Variants in PAK6 observed in about 807,000 individuals in gnomAD.
PAK6 encodes the protein serine/threonine-protein kinase PAK 6.
A neutral mutation model predicts 60.8 loss-of-function variants in PAK6; 33 were observed. The ratio of observed to expected loss-of-function variants is 0.54; its 90% CI spans 0.41 to 0.73. PAK6 has a LOEUF of 0.73. PAK6 is among the 30% of genes least tolerant of loss of function. PAK6 has a pLI of 0.00. For missense variants in PAK6, 845 were observed against 904.1 expected (o/e 0.93, Z 0.84); for synonymous variants, 404 against 378.5 (o/e 1.07, Z -0.78).
chr15:40,273,319 A>C, intron 7 of PAK6, 27 bp from the exon 8 acceptor site: 3 of 1,609,416 alleles, frequency 1.9e-6, no homozygotes, highest in Non-Finnish European at 2.5e-6. Flanking sequence ...GTTCTCTTTC[A>C]TCGGGTGGCC....
At chr15:40,270,047 G>A (rs1487436031) in intron 5 of PAK6, among the ~76,000 whole-genome samples, 8 of 152,154 alleles carry the variant, frequency 5.3e-5, no homozygotes, top group East Asian at 3.9e-4. Flanking sequence ...CTTCTGCCCC[G>A]ACCCACCTGG....
At chr15:40,262,484 AC>A (rs2039008657) in intron 3 of PAK6, among the ~76,000 whole-genome samples, 1 of 151,942 alleles carries the variant, frequency 6.6e-6, no homozygotes, top group Non-Finnish European at 1.5e-5. Context: ...AGTCTGGGCG[AC>A]AGGGCGGCAA....
chr15:40,275,280 G>GTTTTTTTTTTTGTTGTTTTTT (rs1555389201), intron 10 of PAK6, among the ~76,000 whole-genome samples: 1 of 56,486 alleles, frequency 1.8e-5, no homozygotes. Context: ...GTTGTTGTTG[G>GTTTTTTTTTTTGTTGTTTTTT]TTTTTTTTTT....
At chr15:40,276,267 C>A (rs2039453414) in exon 11 of PAK6, 1 of 617,118 alleles carries the variant, frequency 1.6e-6, no homozygotes, top group African/African-American at 1.8e-5. Context: ...CGGACCTGCC[C>A]CCTCAGTGTC....
intron 2 of PAK6, chr15:40,247,025 C>G (rs1366560093): frequency 6.6e-6 from 1 of 152,414 alleles, no homozygotes; most frequent in Non-Finnish European, 1.5e-5. Context: ...TTCCTTGGAG[C>G]TTGGGCCTGG....
At chr15:40,272,947 C>T (rs761050162) in exon 7 of PAK6, 2 of 1,614,048 alleles carry the variant, frequency 1.2e-6, no homozygotes, top group Non-Finnish European at 1.7e-6. Context: ...GCTGTGGGTG[C>T]TCATGGAGTT....
At chr15:40,275,280 GTTTT>G (rs869058525) in intron 10 of PAK6, among the ~76,000 whole-genome samples, 10 of 56,486 alleles carry the variant, frequency 1.8e-4, no homozygotes, top group Admixed American at 2.8e-4. Flanking sequence ...GTTGTTGTTG[GTTTT>G]TTTTTTTTTT....
chr15:40,268,353 C>G (rs534503238), intron 5 of PAK6, among the ~76,000 whole-genome samples: 10 of 152,324 alleles, frequency 6.6e-5, no homozygotes, highest in African/African-American at 2.4e-4. Flanking sequence ...CTGGCCTCTA[C>G]TCACTAGAAG....
At chr15:40,247,065 C>G (rs1047464951) in intron 2 of PAK6, 1 of 152,414 alleles carries the variant, frequency 6.6e-6, no homozygotes, top group African/African-American at 2.4e-5. Flanking sequence ...CAGGCCTCCA[C>G]TCCCCCACAC....
rs538091444 is a variant in PAK6, at chr15:40,257,652, C to T, written c.-6+4363C>T. 7.2e-5 allele frequency among the ~76,000 whole-genome samples: 11 copies of T among 152,366 alleles called. No individual in the cohort carries two copies. In the South Asian group the frequency reaches 2.3e-3, roughly 32 times the overall value. The stretch of plus-strand genomic sequence containing the variant: ...TCGCACAGCAATGCTCATTTGAATG[C>T]CCATGCTCTGGCTTGAGGTTTAACG... On this transcript the variant is annotated intron_variant, in intron 3 of 10. Coordinates refer to ENST00000560346, the Ensembl canonical transcript of PAK6.
rs1194383308 is a variant in PAK6 at position 40,247,525 on chromosome 15, A to G, written c.-117-5653A>G. Among the ~76,000 whole-genome samples, 9 of 152,198 alleles carry G rather than the reference A, an allele frequency of 5.9e-5. No individual in the cohort carries two copies. The East Asian group carries it at 1.7e-3, about 29-fold the overall frequency. ...ACCAGGCTCCTTGGGACTGTCAGGC[A>G]GGTTTAGCCCCCAGTGTCAGCTTGT... On this transcript the variant is annotated intron_variant, in intron 2 of 10. Coordinates refer to ENST00000560346, the Ensembl canonical transcript of PAK6.
chr15:40,276,146 C>T (rs775843748), exon 11 of PAK6: 7 of 1,560,696 alleles, frequency 4.5e-6, no homozygotes, highest in Non-Finnish European at 6.2e-6. Flanking sequence ...GCACACTGGG[C>T]AGCCAGCCTG....
intron 5 of PAK6, among the ~76,000 whole-genome samples, chr15:40,267,737 C>A (rs903333365): frequency 6.6e-6 from 1 of 152,144 alleles, no homozygotes; most frequent in Non-Finnish European, 1.5e-5. Context: ...GGTTGGGATC[C>A]CCATGGGTTG....
At chr15:40,265,968 G>C in exon 5 of PAK6, 1 of 1,604,114 alleles carries the variant, frequency 6.2e-7, no homozygotes, top group Non-Finnish European at 8.5e-7. Flanking sequence ...CCGGCGGCGG[G>C]CACAGTCCCT....
intron 5 of PAK6, among the ~76,000 whole-genome samples, chr15:40,270,535 A>T (rs1236924166): frequency 6.6e-6 from 1 of 152,200 alleles, no homozygotes; most frequent in Non-Finnish European, 1.5e-5. Flanking sequence ...CACAGGGCAG[A>T]GCAGCCCAGG....
At chr15:40,276,098 C>T in exon 11 of PAK6, 1 of 1,613,026 alleles carries the variant, frequency 6.2e-7, no homozygotes, top group East Asian at 2.2e-5. Flanking sequence ...CTGCTGAGCC[C>T]ACCCCAAGTA....
intron 3 of PAK6, among the ~76,000 whole-genome samples, chr15:40,256,515 G>C (rs150568362): frequency 1.3e-5 from 2 of 152,328 alleles, no homozygotes; most frequent in African/African-American, 2.4e-5. Context: ...TGGTAGTAGA[G>C]TGCTTTCCTA....
chr15:40,247,868 C>A (rs756685844), intron 2 of PAK6, among the ~76,000 whole-genome samples: 1 of 152,150 alleles, frequency 6.6e-6, no homozygotes, highest in Non-Finnish European at 1.5e-5. Flanking sequence ...CTCCATGGCA[C>A]ATCAAACCAA....
intron 5 of PAK6, chr15:40,267,018 A>ATGGAGAGTGAGTCAGAGAAGGAAGG (rs2039159569): frequency 6.5e-6 from 1 of 153,012 alleles, no homozygotes; most frequent in African/African-American, 2.4e-5. Flanking sequence ...CCCAGGCATG[A>ATGGAGAGTGAGTCAGAGAAGGAAGG]TGGAGAGTGA....
Sources: gnomAD v4.1 joint callset for allele counts (sites outside exome capture counted in the v4.1 genomes callset) on GRCh38, gnomAD v4.1.1 for gene constraint, MANE v1.5 for transcripts, NCBI Gene and HGNC (gene_info 2026-07-23, HGNC 2026-07-21) for gene names.